Variants in HMGXB3 observed in about 807,000 individuals in gnomAD.
HMGXB3 encodes the protein HMG domain-containing protein 3.
In HMGXB3, 45 loss-of-function variants were observed where a neutral mutation model predicts 121.5. The ratio of observed to expected loss-of-function variants is 0.37; its 90% CI spans 0.29 to 0.47. The LOEUF is 0.47. HMGXB3 is among the 20% of genes least tolerant of loss of function. The pLI is 0.99. For synonymous variants in HMGXB3, 590 were observed against 624.1 expected (o/e 0.95, Z 0.81); for missense variants, 1,376 against 1,602.2 (o/e 0.86, Z 2.41).
At chr5:150,032,429 T>C (rs1166363999) in intron 10 of HMGXB3, 25 bp from the exon 11 acceptor site, 1 of 1,548,120 alleles carries the variant, frequency 6.5e-7, no homozygotes, top group Non-Finnish European at 8.7e-7. Flanking sequence ...TTTTGTAGAA[T>C]TGAACACTGG....
intron 15 of HMGXB3, 78 bp downstream of exon 15, chr5:150,042,047 A>AG (rs1756645365): frequency 8.2e-7 from 1 of 1,222,298 alleles, no homozygotes; most frequent in East Asian, 2.6e-5. Flanking sequence ...TGATATCCCC[A>AG]GGGGGTGGAT....
At chr5:150,043,695 C>G (rs1341536381) in intron 15 of HMGXB3, among the ~76,000 whole-genome samples, 1 of 152,112 alleles carries the variant, frequency 6.6e-6, no homozygotes, top group East Asian at 1.9e-4. Context: ...ATTACTATGC[C>G]AAGTTCTTAA....
At position 150,006,579 on chromosome 5, in the gene HMGXB3, C is replaced by T. The variant is rs1334350218; in HGVS notation, c.244C>T (p.Leu82Phe). 6.4e-7 allele frequency: 1 copy of T among 1,552,304 alleles called. No individual in the cohort carries two copies. Among genetic ancestry groups the T allele is most frequent in the African/African-American group, 1.4e-5 (1 of 73,182 alleles). Residue 82 changes from leucine (L) to phenylalanine (F), a missense_variant, in exon 3 of 20, where the codon CTT (leucine) becomes TTT (phenylalanine). Leu to Phe is a conservative substitution (Grantham distance 22). This residue lies in a region of HMGXB3 where 1,116 missense variants were observed against 1,369.0 expected (regional missense o/e 0.82). Transcript: ENST00000502717. ...TAAGAAGATTAGTGAGAGTTGGAGG[C>T]TTCTCAGCGTGGCCGAGAGGAGTTA... The part of the protein sequence containing the change: ...INKKISESWR[L>F]LSVAERSYYL...
Position 150,036,832 on chromosome 5 carries a change from G to T in HMGXB3, c.2180G>T (p.Ser727Ile), listed in dbSNP as rs561783267. 10 of 1,551,740 alleles carry T rather than the reference G, an allele frequency of 6.4e-6. No homozygotes were observed. Among genetic ancestry groups the T allele is most frequent in the Non-Finnish European group, 8.7e-6 (10 of 1,146,994 alleles). The change falls in exon 12 of 20, where the codon AGT (serine) becomes ATT (isoleucine). Residue 727 changes from serine to isoleucine, a missense_variant. Ser to Ile is a moderately radical substitution (Grantham distance 142, BLOSUM62 -2). Around this residue, in one of 2 missense-constraint regions of HMGXB3, gnomAD observed 1,116 missense variants for 1,369.0 expected, o/e 0.82. Coordinates refer to ENST00000502717, the MANE Select transcript of HMGXB3 (RefSeq NM_014983.3). ...TCTCGACTTATCTTGTCCAACGTGA[G>T]TGAGGAGACAGTCACCATCGAGCAA... is the stretch of plus-strand genomic sequence containing the variant. ...NSSRLILSNV[S>I]EETVTIEQTS...
chr5:150,045,493 A>C lies in HMGXB3; in HGVS notation c.2758A>C (p.Asn920His), dbSNP rs1189594983. ...CACCTGGCCTGAATTCCTGGGCTCT[A>C]ATGAGGTAAATGTGGAGGACTTTTG... is the stretch of plus-strand genomic sequence containing the variant. ...EFTWPEFLGS[N>H]EVNVEDFWAT... The change falls in exon 16 of 20, where the codon AAT becomes CAT. Residue 920 changes from asparagine (N) to histidine (H), a missense_variant. Around this residue, in one of 2 missense-constraint regions of HMGXB3, gnomAD observed 1,116 missense variants for 1,369.0 expected, o/e 0.82. Transcript: ENST00000502717. 6.4e-7 allele frequency: 1 copy of C among 1,552,242 alleles called. No individual in the cohort carries two copies. The highest frequency in any genetic ancestry group is 8.7e-7 in the Non-Finnish European group (1 of 1,147,088).
At chr5:150,030,956 A>G (rs2278394) in intron 10 of HMGXB3, 117 bp downstream of exon 10, 2 of 664,334 alleles carry the variant, frequency 3.0e-6, no homozygotes, top group Non-Finnish European at 5.4e-6. Flanking sequence ...GAACAGGGTC[A>G]GGTATAGATT....
At chr5:150,025,462 TA>T (rs1171036658) in intron 7 of HMGXB3, among the ~76,000 whole-genome samples, 1 of 152,006 alleles carries the variant, frequency 6.6e-6, no homozygotes, top group African/African-American at 2.4e-5. Context: ...GTATACCTTG[TA>T]TGCAAATATG....
At position 150,008,772 on chromosome 5, in the gene HMGXB3, A is replaced by AT. The variant is rs748961341; in HGVS notation, c.313-1336dup. On this transcript the variant is annotated intron_variant, in intron 3 of 19. Transcript: ENST00000502717. ...GTTAAGTCCAGGCCATGCTGTGTGTATTTGCCACCATTTAGTCTTGTTCTC... is the reference window on the plus strand; with the variant it reads ...GTTAAGTCCAGGCCATGCTGTGTGTATTTTGCCACCATTTAGTCTTGTTCTC... Among the ~76,000 whole-genome samples the AT allele has an allele frequency of 1.1e-4, 17 of 152,264 alleles. No individual in the cohort carries two copies. In the East Asian group the frequency reaches 2.3e-3, roughly 21 times the overall value.
In HMGXB3 at chr5:150,048,633, G is replaced by A. The variant is rs745836949; in HGVS notation, c.3149G>A (p.Arg1050Gln). Reference sequence around the variant, plus strand: ...GTACAGAATGGAGCTAGAGCTATACGGCCCCCACGTCACTTCACAGGTGGT... The same window carrying A: ...GTACAGAATGGAGCTAGAGCTATACAGCCCCCACGTCACTTCACAGGTGGT... Reference protein sequence around the residue: ...ESVQNGARAIRPPRHFTGGKI... With the variant: ...ESVQNGARAIQPPRHFTGGKI... Residue 1050 changes from arginine (R) to glutamine (Q), a missense_variant, in exon 18 of 20, where the codon CGG becomes CAG. Physicochemically the swap from Arg to Gln is conservative, Grantham distance 43 (BLOSUM62 1). Coordinates refer to ENST00000502717, the MANE Select transcript of HMGXB3 (RefSeq NM_014983.3). 28 of 1,551,752 alleles carry A rather than the reference G, an allele frequency of 1.8e-5. No homozygotes were observed. The highest frequency in any genetic ancestry group is 1.5e-4 in the South Asian group (13 of 84,060).
intron 12 of HMGXB3, 23 bp from the exon 13 acceptor site, chr5:150,037,377 G>A: frequency 5.3e-6 from 8 of 1,498,794 alleles, no homozygotes; most frequent in Non-Finnish European, 6.2e-6. Context: ...CTTTTTTTTT[G>A]TTGGTGATGT....
intron 4 of HMGXB3, among the ~76,000 whole-genome samples, 171 bp downstream of exon 4, chr5:150,010,779 C>T (rs765456153): frequency 3.9e-5 from 6 of 152,208 alleles, no homozygotes; most frequent in Admixed American, 1.3e-4. Context: ...TCCAGAGTTC[C>T]TTGAAATTTC....
intron 9 of HMGXB3, among the ~76,000 whole-genome samples, chr5:150,028,709 G>C (rs1399344293): frequency 6.6e-6 from 1 of 150,708 alleles, no homozygotes; most frequent in African/African-American, 2.4e-5. Context: ...TGGGTACACA[G>C]GCAGGCACCA....
Position 150,052,582 on chromosome 5 carries a change from C to T in HMGXB3, c.*390C>T. 1 of 205,942 alleles carries T rather than the reference C, an allele frequency of 4.9e-6. No homozygotes were observed. 12.8% of individuals were successfully genotyped at this position (205,942 alleles called of 1,614,324 possible). On this transcript the variant is annotated 3_prime_UTR_variant, in exon 20 of 20. Coordinates refer to ENST00000502717, the MANE Select transcript of HMGXB3 (RefSeq NM_014983.3). Reference sequence around the variant, plus strand: ...AGGTGGGAAGGCTGCTGAGGTCTCTCCCACCCCTGAGGAGCCCTGGTTTCA... The same window carrying T: ...AGGTGGGAAGGCTGCTGAGGTCTCTTCCACCCCTGAGGAGCCCTGGTTTCA...
At chr5:150,013,799 A>G (rs1268784231) in intron 5 of HMGXB3, among the ~76,000 whole-genome samples, 1 of 152,256 alleles carries the variant, frequency 6.6e-6, no homozygotes, top group Non-Finnish European at 1.5e-5. Context: ...AAAGTTGTTC[A>G]TAACATTCCC....
In HMGXB3 at chr5:150,050,386, C is replaced by G. The variant is rs780094671; in HGVS notation, c.3336C>G (p.Leu1112=). 4.5e-6 allele frequency: 7 copies of G among 1,551,646 alleles called. No homozygotes were observed. Among genetic ancestry groups the G allele is most frequent in the Non-Finnish European group, 3.5e-6 (4 of 1,147,012 alleles). Residue 1112 remains leucine, a synonymous_variant, in exon 19 of 20, where the codon CTC becomes CTG. Transcript: ENST00000502717. ...CGTCAGTGGCCCTGTGTGCTGACCT[C>G]TGCTACCCAGAGCTGACTAACCAGA... The part of the protein sequence containing the change: ...MATSVALCAD[L]CYPELTNQMW...
intron 11 of HMGXB3, among the ~76,000 whole-genome samples, chr5:150,036,282 A>C (rs1240046947): frequency 6.6e-6 from 1 of 152,194 alleles, no homozygotes; most frequent in African/African-American, 2.4e-5. Flanking sequence ...ATTATTTCAT[A>C]ATTTGCAATA....
intron 15 of HMGXB3, among the ~76,000 whole-genome samples, chr5:150,042,431 G>GT (rs1756657823): frequency 6.6e-6 from 1 of 152,218 alleles, no homozygotes; most frequent in African/African-American, 2.4e-5. Flanking sequence ...ATAGAGGGCA[G>GT]TGAGGGGGGA....
At position 150,052,116 on chromosome 5, in the gene HMGXB3, G is replaced by A. The variant is rs61739408; in HGVS notation, c.3803G>A (p.Arg1268His). 14 of 1,551,528 alleles carry A rather than the reference G, an allele frequency of 9.0e-6. No homozygotes were observed. The highest frequency in any genetic ancestry group is 1.4e-5 in the African/African-American group (1 of 73,060). Residue 1268 changes from arginine to histidine, a missense_variant, in exon 20 of 20, where the codon CGC becomes CAC. Coordinates refer to ENST00000502717, the MANE Select transcript of HMGXB3 (RefSeq NM_014983.3). ...GEVVIRDTLY[R>H]LGVAQIKTET... ...GTGGTCATTCGTGACACCCTCTACC[G>A]CCTTGGGGTTGCTCAGATCAAGACA...
chr5:150,026,120 G>A lies in HMGXB3; in HGVS notation c.1461-586G>A, dbSNP rs1208591544. 2.6e-5 allele frequency among the ~76,000 whole-genome samples: 4 copies of A among 150,980 alleles called. No homozygotes were observed. The South Asian group carries it at 6.2e-4, about 24-fold the overall frequency. On this transcript the variant is annotated intron_variant, in intron 7 of 19. Transcript: ENST00000502717. ...GCTGGGATTACAGGCGTGAGCTACC[G>A]CGCCCGGCCCCATCTTGCTTTTTTT... is the stretch of plus-strand genomic sequence containing the variant.
Sources: gnomAD v4.1 joint callset for allele counts (sites outside exome capture counted in the v4.1 genomes callset) on GRCh38, gnomAD v4.1.1 for gene constraint, gnomAD v4.1.1 regional missense constraint, MANE v1.5 for transcripts, NCBI Gene and HGNC (gene_info 2026-07-23, HGNC 2026-07-21) for gene names.